The following FAM13C variants were observed in gnomAD, a reference collection of about 807,000 sequenced individuals.
FAM13C encodes family with sequence similarity 13 member C.
Under a neutral mutation model 73.2 loss-of-function variants are expected in FAM13C, and 37 were observed. The observed-to-expected ratio is 0.51, with a 90% confidence interval of 0.39 to 0.67. The LOEUF (loss-of-function observed/expected upper bound fraction) is 0.67. Among genes scored for constraint, FAM13C ranks in the 30% least tolerant of loss-of-function variants. The pLI is 0.00. For synonymous variants in FAM13C, 246 were observed against 260.9 expected, an observed-to-expected ratio of 0.94 and a Z score of 0.55; for missense variants, 589 against 715.6, an observed-to-expected ratio of 0.82 and a Z score of 2.02.
chr10:59,249,555 C>A (rs1408945602), intron 13 of FAM13C, among the ~76,000 whole-genome samples: 1 of 151,904 alleles, frequency 6.6e-6, no homozygotes, highest in East Asian at 1.9e-4. Flanking sequence ...AATGTAATAT[C>A]TGCATGATTC....
chr10:59,282,415 A>G (rs1845029439), intron 6 of FAM13C: 1 of 152,112 alleles, frequency 6.6e-6, no homozygotes, highest in African/African-American at 2.4e-5. Flanking sequence ...ATTTGTTTAA[A>G]TTGTTCATTT....
intron 1 of FAM13C, chr10:59,360,878 AAGTCCACGTG>A: frequency 4.3e-5 from 16 of 369,768 alleles, no homozygotes; most frequent in East Asian, 9.2e-5. Context: ...AAAAAAAAAA[AAGTCCACGTG>A]AAATCTGGAG....
intron 11 of FAM13C, among the ~76,000 whole-genome samples, chr10:59,253,398 C>G (rs1006199326): frequency 6.6e-6 from 1 of 152,154 alleles, no homozygotes; most frequent in Non-Finnish European, 1.5e-5. Flanking sequence ...CAACTTTTAT[C>G]CTCCAGAAAT....
At chr10:59,249,579 A>G (rs1841165694) in intron 13 of FAM13C, among the ~76,000 whole-genome samples, 1 of 152,208 alleles carries the variant, frequency 6.6e-6, no homozygotes, top group African/African-American at 2.4e-5. Flanking sequence ...TGCCTCTTGT[A>G]TGGCAAATAT....
chr10:59,280,505 G>A (rs1844807814), intron 6 of FAM13C, among the ~76,000 whole-genome samples: 1 of 152,194 alleles, frequency 6.6e-6, no homozygotes, highest in Admixed American at 6.5e-5. Context: ...GAGTCAGACA[G>A]AACTTGACAT....
intron 8 of FAM13C, among the ~76,000 whole-genome samples, chr10:59,265,492 T>A (rs1276940277): frequency 6.6e-6 from 1 of 152,098 alleles, no homozygotes; most frequent in Non-Finnish European, 1.5e-5. Flanking sequence ...GGAAAGTCAA[T>A]GTTTTACATT....
intron 4 of FAM13C, among the ~76,000 whole-genome samples, chr10:59,321,286 C>T (rs1409270820): frequency 6.6e-6 from 1 of 151,976 alleles, no homozygotes; most frequent in Non-Finnish European, 1.5e-5. Context: ...GAAGAATGAT[C>T]AGAGAGATGC....
chr10:59,323,904 C>T (rs910396480), intron 4 of FAM13C, 84 bp downstream of exon 4: 5 of 1,179,258 alleles, frequency 4.2e-6, no homozygotes, highest in Non-Finnish European at 6.3e-6. Context: ...AAAGCCTTGC[C>T]TCTTGTGTGG....
At chr10:59,321,987 C>T (rs897100970) in intron 4 of FAM13C, among the ~76,000 whole-genome samples, 2 of 152,150 alleles carry the variant, frequency 1.3e-5, no homozygotes, top group African/African-American at 4.8e-5. Context: ...TTCTTTCACT[C>T]TGAACCAGAC....
At chr10:59,303,013 C>T (rs2133866247) in intron 4 of FAM13C, 149 bp from the exon 5 acceptor site, 2 of 657,680 alleles carry the variant, frequency 3.0e-6, no homozygotes, top group Non-Finnish European at 5.2e-6. Context: ...AGACTCCTTA[C>T]AATGGCCTGC....
At chr10:59,306,458 C>G (rs564050550) in intron 4 of FAM13C, among the ~76,000 whole-genome samples, 30 of 152,268 alleles carry the variant, frequency 2.0e-4, no homozygotes, top group African/African-American at 6.0e-4. Flanking sequence ...AATAGACAAT[C>G]AGAGGCAGTG....
intron 5 of FAM13C, among the ~76,000 whole-genome samples, chr10:59,290,434 T>C (rs1846085003): frequency 6.6e-6 from 1 of 152,218 alleles, no homozygotes; most frequent in African/African-American, 2.4e-5. Flanking sequence ...GGTCTCCAAA[T>C]GTCTCCATTT....
intron 3 of FAM13C, among the ~76,000 whole-genome samples, chr10:59,340,216 TA>T (rs141971595): frequency 0.16 from 24,112 of 151,968 alleles, 2,179 homozygotes; most frequent in East Asian, 0.33. Context: ...ATTTTCTGAT[TA>T]AAAAAAAATT....
chr10:59,265,245 T>A (rs960147266), intron 8 of FAM13C, among the ~76,000 whole-genome samples: 22 of 148,400 alleles, frequency 1.5e-4, no homozygotes, highest in Non-Finnish European at 2.7e-4. Context: ...AGATTGACAA[T>A]GTTTCTTTCC....
intron 4 of FAM13C, among the ~76,000 whole-genome samples, chr10:59,308,859 G>A (rs576350700): frequency 9.2e-5 from 14 of 152,300 alleles, no homozygotes; most frequent in Middle Eastern, 3.4e-3. Flanking sequence ...GAGTCAGCCT[G>A]TAGGGTCATC....
chr10:59,330,140 G>A (rs1203644696), intron 3 of FAM13C, among the ~76,000 whole-genome samples: 1 of 152,126 alleles, frequency 6.6e-6, no homozygotes, highest in Non-Finnish European at 1.5e-5. Context: ...ATCGATTTGG[G>A]AGGAATTGCA....
At position 59,324,001 on chromosome 10, in the gene FAM13C, G is replaced by T. The variant is rs759285043; in HGVS notation, c.430C>A (p.Arg144=). ...NNAFKCQETV[R]LQPRIDQRTA... ...CAAAGGGCCCACCTTGGTTGAAGTC[G>T]CACTGTTTCTTGGCACTTGAAGGCA... Residue 144 remains arginine (R), a synonymous_variant, in exon 4 of 14, where the codon CGA becomes AGA. Coordinates refer to ENST00000618804, the MANE Select transcript of FAM13C (RefSeq NM_198215.4). The T allele has an allele frequency of 1.9e-6, 3 of 1,613,778 alleles. No individual in the cohort carries two copies. In the East Asian group the frequency reaches 6.7e-5, roughly 36 times the overall value.
intron 3 of FAM13C, among the ~76,000 whole-genome samples, chr10:59,343,639 T>A (rs1442623209): frequency 6.6e-6 from 1 of 152,226 alleles, no homozygotes; most frequent in Non-Finnish European, 1.5e-5. Flanking sequence ...GCCTGGAGCT[T>A]GTAATAGTTG....
intron 5 of FAM13C, among the ~76,000 whole-genome samples, chr10:59,286,916 C>T (rs1564527225): frequency 6.6e-6 from 1 of 151,212 alleles, no homozygotes; most frequent in African/African-American, 2.4e-5. Flanking sequence ...CACCTGTAAT[C>T]CCAGCTACTT....
Sources: gnomAD v4.1 joint callset for allele counts (sites outside exome capture counted in the v4.1 genomes callset) on GRCh38, gnomAD v4.1.1 for gene constraint, MANE v1.5 for transcripts, NCBI Gene and HGNC (gene_info 2026-07-23, HGNC 2026-07-21) for gene names.